UNC5D: variants seen among roughly 807,000 people sequenced by gnomAD.
UNC5D encodes the protein unc-5 netrin receptor D, also known as netrin receptor UNC5D.
A neutral mutation model predicts 105.4 loss-of-function variants in UNC5D; 39 were observed. The ratio of observed to expected loss-of-function variants is 0.37; its 90% CI spans 0.29 to 0.48. The LOEUF (loss-of-function observed/expected upper bound fraction) is 0.48. Among genes scored for constraint, UNC5D ranks in the 20% least tolerant of loss-of-function variants. UNC5D has a pLI of 0.98. For synonymous variants in UNC5D, 452 were observed against 450.4 expected, an observed-to-expected ratio of 1.00 and a Z score of -0.04; for missense variants, 991 against 1,202.4, an observed-to-expected ratio of 0.82 and a Z score of 2.60.
At chr8:35,402,068 G>A (rs1804503829) in intron 1 of UNC5D, among the ~76,000 whole-genome samples, 1 of 152,094 alleles carries the variant, frequency 6.6e-6, no homozygotes, top group Admixed American at 6.5e-5. Context: ...ATCACTGAAA[G>A]GCCCTGCACT....
intron 1 of UNC5D, among the ~76,000 whole-genome samples, chr8:35,414,913 A>AT (rs1805436418): frequency 6.6e-6 from 1 of 151,960 alleles, no homozygotes; most frequent in Non-Finnish European, 1.5e-5. Flanking sequence ...ATTTTTCTCT[A>AT]TTTTTTGTCA....
chr8:35,769,345 A>T (rs1801908491), intron 15 of UNC5D, among the ~76,000 whole-genome samples: 1 of 152,186 alleles, frequency 6.6e-6, no homozygotes, highest in African/African-American at 2.4e-5. Flanking sequence ...CATCTAATGG[A>T]TTAGCCTTAA....
Position 35,376,991 on chromosome 8 carries a change from GTTA to G in UNC5D, c.103+141107_103+141109del, listed in dbSNP as rs1194973201. Among the ~76,000 whole-genome samples the G allele has an allele frequency of 5.9e-5, 9 of 152,248 alleles. No individual in the cohort carries two copies. The East Asian group carries it at 1.5e-3, about 26-fold the overall frequency. On this transcript the variant is annotated intron_variant, in intron 1 of 16. Coordinates refer to ENST00000404895, the MANE Select transcript of UNC5D (RefSeq NM_080872.4). The stretch of plus-strand genomic sequence containing the variant: ...TGCTTTCCTTTGGTAAACTTGATTT[GTTA>G]TTGATTGACTGCTTATTTCTCCTTG...
At chr8:35,618,784 T>G (rs1821177968) in intron 4 of UNC5D, among the ~76,000 whole-genome samples, 1 of 152,222 alleles carries the variant, frequency 6.6e-6, no homozygotes, top group South Asian at 2.1e-4. Flanking sequence ...TTTCAAAGCC[T>G]AAATCTTGCC....
intron 2 of UNC5D, among the ~76,000 whole-genome samples, chr8:35,563,059 C>T (rs1180408566): frequency 6.6e-6 from 1 of 151,826 alleles, no homozygotes; most frequent in South Asian, 2.1e-4. Flanking sequence ...AAGATACTAT[C>T]CTTTCGTCAG....
intron 15 of UNC5D, among the ~76,000 whole-genome samples, chr8:35,769,309 C>T (rs1801906163): frequency 6.6e-6 from 1 of 152,294 alleles, no homozygotes; most frequent in South Asian, 2.1e-4. Context: ...TACTCCACTA[C>T]ACTACTTCTG....
intron 1 of UNC5D, among the ~76,000 whole-genome samples, chr8:35,247,595 A>G (rs1277746250): frequency 1.9e-5 from 2 of 102,906 alleles, no homozygotes; most frequent in African/African-American, 7.8e-5. Flanking sequence ...TAAAATATAT[A>G]TAATATATAA....
intron 1 of UNC5D, among the ~76,000 whole-genome samples, chr8:35,496,009 A>G (rs1400948401): frequency 6.6e-6 from 1 of 152,290 alleles, no homozygotes; most frequent in Non-Finnish European, 1.5e-5. Flanking sequence ...ACCTCATCAT[A>G]GTGGGGAATG....
intron 1 of UNC5D, among the ~76,000 whole-genome samples, chr8:35,433,776 G>A (rs1263328373): frequency 6.6e-6 from 1 of 150,862 alleles, no homozygotes; most frequent in Admixed American, 6.6e-5. Flanking sequence ...TTGAACCTGG[G>A]AGGCAGAGGT....
chr8:35,249,250 C>G (rs1451224760), intron 1 of UNC5D, among the ~76,000 whole-genome samples: 1 of 148,180 alleles, frequency 6.7e-6, no homozygotes, highest in Non-Finnish European at 1.5e-5. Context: ...AAAAGAGTGA[C>G]TGGATATACT....
chr8:35,776,378 A>T (rs187837356), intron 16 of UNC5D, among the ~76,000 whole-genome samples: 2 of 152,254 alleles, frequency 1.3e-5, no homozygotes, highest in South Asian at 4.1e-4. Flanking sequence ...AAGCATGTAC[A>T]TGTTCCTACC....
intron 4 of UNC5D, among the ~76,000 whole-genome samples, chr8:35,631,517 C>G (rs1444109671): frequency 6.6e-6 from 1 of 152,168 alleles, no homozygotes; most frequent in East Asian, 1.9e-4. Flanking sequence ...CCAATTCTCT[C>G]AAATCAGTGG....
intron 1 of UNC5D, among the ~76,000 whole-genome samples, chr8:35,506,165 T>C (rs1003130535): frequency 6.6e-6 from 1 of 152,232 alleles, no homozygotes; most frequent in Non-Finnish European, 1.5e-5. Flanking sequence ...TTGATCTTAA[T>C]ATTCGGTGAT....
intron 4 of UNC5D, among the ~76,000 whole-genome samples, chr8:35,616,091 G>C (rs1821009127): frequency 2.0e-5 from 3 of 152,162 alleles, no homozygotes; most frequent in African/African-American, 7.2e-5. Context: ...GCCAGCCACT[G>C]TTCACCGAAT....
At chr8:35,615,832 T>C (rs550653766) in intron 4 of UNC5D, among the ~76,000 whole-genome samples, 12 of 152,302 alleles carry the variant, frequency 7.9e-5, no homozygotes, top group Admixed American at 7.8e-4. Context: ...GGAGCATATG[T>C]GACTCAGAGG....
intron 15 of UNC5D, among the ~76,000 whole-genome samples, chr8:35,771,796 A>G (rs1802022610): frequency 6.6e-6 from 1 of 152,166 alleles, no homozygotes; most frequent in Admixed American, 6.5e-5. Context: ...GTCTTGAAAC[A>G]GGGTGCTATA....
At chr8:35,510,790 C>A (rs1340017829) in intron 1 of UNC5D, among the ~76,000 whole-genome samples, 1 of 152,158 alleles carries the variant, frequency 6.6e-6, no homozygotes, top group Admixed American at 6.5e-5. Context: ...GAAGCAAAAG[C>A]TCCCTGCTGC....
At chr8:35,738,473 T>A (rs997546962) in intron 11 of UNC5D, among the ~76,000 whole-genome samples, 3 of 152,218 alleles carry the variant, frequency 2.0e-5, no homozygotes, top group African/African-American at 7.2e-5. Flanking sequence ...TTTAGCTCTG[T>A]CCCAGTGATG....
chr8:35,490,106 GGTT>G (rs1811106692), intron 1 of UNC5D, among the ~76,000 whole-genome samples: 1 of 152,148 alleles, frequency 6.6e-6, no homozygotes, highest in African/African-American at 2.4e-5. Flanking sequence ...TAAAATTGTT[GGTT>G]GTTTTTTGTA....
Sources: gnomAD v4.1 joint callset for allele counts (sites outside exome capture counted in the v4.1 genomes callset) on GRCh38, gnomAD v4.1.1 for gene constraint, MANE v1.5 for transcripts, NCBI Gene and HGNC (gene_info 2026-07-23, HGNC 2026-07-21) for gene names.